Variants in HS3ST4 observed in about 807,000 individuals in gnomAD.
HS3ST4 encodes heparan sulfate-glucosamine 3-sulfotransferase 4.
A neutral mutation model predicts 29.2 loss-of-function variants in HS3ST4; 17 were observed. The ratio of observed to expected loss-of-function variants is 0.58; its 90% CI spans 0.40 to 0.87. HS3ST4 has a LOEUF of 0.87. HS3ST4 is among the 40% of genes least tolerant of loss of function. The pLI, the probability that HS3ST4 is intolerant of heterozygous loss-of-function variation, is 0.00. For missense variants in HS3ST4, 627 were observed against 634.5 expected (o/e 0.99, Z 0.13); for synonymous variants, 314 against 285.7 (o/e 1.10, Z -1.00).
intron 1 of HS3ST4, among the ~76,000 whole-genome samples, chr16:26,029,691 G>A (rs1397106656): frequency 2.6e-5 from 4 of 152,190 alleles, no homozygotes; most frequent in Non-Finnish European, 5.9e-5. Context: ...GATTATAGGC[G>A]TGAGCCACTG....
intron 1 of HS3ST4, among the ~76,000 whole-genome samples, chr16:25,836,357 G>A (rs1467646806): frequency 2.0e-5 from 3 of 152,134 alleles, no homozygotes; most frequent in Admixed American, 6.5e-5. Context: ...AGGCAGTCCT[G>A]TTAACCAAGG....
intron 1 of HS3ST4, among the ~76,000 whole-genome samples, chr16:25,865,570 C>T (rs570435070): frequency 6.6e-6 from 1 of 152,278 alleles, no homozygotes; most frequent in Admixed American, 6.5e-5. Flanking sequence ...GATTTAAAAA[C>T]ATACCACAAA....
intron 1 of HS3ST4, among the ~76,000 whole-genome samples, chr16:26,100,312 A>G (rs1898975800): frequency 6.6e-6 from 1 of 152,210 alleles, no homozygotes; most frequent in African/African-American, 2.4e-5. Flanking sequence ...ATTACACAAA[A>G]TAAAGGAAAG....
At chr16:25,770,480 C>T (rs1410649570) in intron 1 of HS3ST4, among the ~76,000 whole-genome samples, 1 of 152,194 alleles carries the variant, frequency 6.6e-6, no homozygotes, top group Non-Finnish European at 1.5e-5. Flanking sequence ...CAACCTCTCT[C>T]AGGCCACACA....
chr16:25,857,565 T>C (rs1967586222), intron 1 of HS3ST4, among the ~76,000 whole-genome samples: 1 of 152,176 alleles, frequency 6.6e-6, no homozygotes, highest in African/African-American at 2.4e-5. Context: ...CTGGGGTGTT[T>C]ATCGTGTTTG....
intron 1 of HS3ST4, among the ~76,000 whole-genome samples, chr16:25,795,980 T>A (rs16975223): frequency 1.3e-4 from 20 of 152,222 alleles, no homozygotes; most frequent in South Asian, 1.2e-3. Context: ...GATTTCTTAG[T>A]CTTCTCCCCT....
intron 1 of HS3ST4, among the ~76,000 whole-genome samples, chr16:25,780,003 C>T (rs528764881): frequency 5.9e-5 from 9 of 152,272 alleles, no homozygotes; most frequent in Admixed American, 4.6e-4. Context: ...TTCTTCGTAA[C>T]GTGAGTGATG....
chr16:25,966,825 G>A (rs1968847961), intron 1 of HS3ST4, among the ~76,000 whole-genome samples: 1 of 152,152 alleles, frequency 6.6e-6, no homozygotes, highest in Non-Finnish European at 1.5e-5. Flanking sequence ...CCCTGTAGAA[G>A]CAGCAGCTCA....
intron 1 of HS3ST4, among the ~76,000 whole-genome samples, chr16:25,964,792 C>G (rs1351567157): frequency 6.6e-6 from 1 of 152,040 alleles, no homozygotes; most frequent in Non-Finnish European, 1.5e-5. Context: ...CATTTTGTTT[C>G]CTGTAATTTT....
chr16:26,001,864 G>C lies in HS3ST4; in HGVS notation c.735-133748G>C, dbSNP rs553565131. 2.6e-5 allele frequency among the ~76,000 whole-genome samples: 4 copies of C among 152,110 alleles called. No individual in the cohort carries two copies. The East Asian group carries it at 7.7e-4, about 29-fold the overall frequency. On this transcript the variant is annotated intron_variant, in intron 1 of 1. Coordinates refer to ENST00000331351, the MANE Select transcript of HS3ST4 (RefSeq NM_006040.3). ...CTGGAAGGGGGAAGAATATTTAGGGGGGTATTGCAATAGCTCAACCAAGAA... is the reference window on the plus strand; with the variant it reads ...CTGGAAGGGGGAAGAATATTTAGGGCGGTATTGCAATAGCTCAACCAAGAA...
chr16:26,108,320 C>CT (rs1239763848), intron 1 of HS3ST4, among the ~76,000 whole-genome samples: 1 of 152,182 alleles, frequency 6.6e-6, no homozygotes, highest in African/African-American at 2.4e-5. Flanking sequence ...GGGTTACTCT[C>CT]TGAGCCTAAC....
rs554063268 is a variant in HS3ST4, at chr16:25,791,198, A to G, written c.734+98047A>G. ...TACTTTTGTCACAAATCAAGTTATT[A>G]TATGTTTGTGGGGCTATATCTGTTC... On this transcript the variant is annotated intron_variant, in intron 1 of 1. Coordinates refer to ENST00000331351, the MANE Select transcript of HS3ST4 (RefSeq NM_006040.3). Among the ~76,000 whole-genome samples, 20 of 152,068 alleles carry G rather than the reference A, an allele frequency of 1.3e-4. No homozygotes were observed. The South Asian group carries it at 3.9e-3, about 30-fold the overall frequency.
At chr16:25,963,899 A>C (rs4787790) in intron 1 of HS3ST4, among the ~76,000 whole-genome samples, 43,665 of 151,944 alleles carry the variant, frequency 0.29, 6,583 homozygotes, top group African/African-American at 0.37. Context: ...AGGCTGGGCG[A>C]GGTGGCTCAC....
chr16:25,862,782 TTC>T (rs1967652009), intron 1 of HS3ST4, among the ~76,000 whole-genome samples: 2 of 152,264 alleles, frequency 1.3e-5, no homozygotes, highest in Non-Finnish European at 1.5e-5. Context: ...GCACATGACT[TTC>T]TCTCTTACAG....
chr16:26,087,760 T>C (rs1898807487), intron 1 of HS3ST4, among the ~76,000 whole-genome samples: 1 of 152,190 alleles, frequency 6.6e-6, no homozygotes, highest in African/African-American at 2.4e-5. Flanking sequence ...ATCCAAATGT[T>C]CCAATCAACT....
chr16:25,777,444 T>C (rs1966848573), intron 1 of HS3ST4, among the ~76,000 whole-genome samples: 2 of 147,400 alleles, frequency 1.4e-5, no homozygotes, highest in Admixed American at 6.7e-5. Context: ...TGTGTGTGTG[T>C]GTGCACGTCC....
intron 1 of HS3ST4, among the ~76,000 whole-genome samples, chr16:26,108,282 A>G (rs148168142): frequency 6.6e-6 from 1 of 152,208 alleles, no homozygotes; most frequent in African/African-American, 2.4e-5. Flanking sequence ...CATTTGCACT[A>G]GTGGCATATT....
chr16:25,775,163 G>A (rs1283514463), intron 1 of HS3ST4, among the ~76,000 whole-genome samples: 4 of 152,196 alleles, frequency 2.6e-5, no homozygotes, highest in Non-Finnish European at 4.4e-5. Context: ...AGACCTTGGC[G>A]ACGCTGTCTG....
At chr16:25,718,905 T>C (rs1231335139) in intron 1 of HS3ST4, among the ~76,000 whole-genome samples, 1 of 152,070 alleles carries the variant, frequency 6.6e-6, no homozygotes, top group Non-Finnish European at 1.5e-5. Flanking sequence ...GACTTTGAAA[T>C]TGGAGAATAT....
Sources: gnomAD v4.1 joint callset for allele counts (sites outside exome capture counted in the v4.1 genomes callset) on GRCh38, gnomAD v4.1.1 for gene constraint, MANE v1.5 for transcripts, NCBI Gene and HGNC (gene_info 2026-07-23, HGNC 2026-07-21) for gene names.